STAG1: variants seen among roughly 807,000 people sequenced by gnomAD.
STAG1 encodes cohesin subunit SA-1.
A neutral mutation model predicts 170.9 loss-of-function variants in STAG1; 26 were observed. The ratio of observed to expected loss-of-function variants is 0.15; its 90% CI spans 0.11 to 0.21. The LOEUF (loss-of-function observed/expected upper bound fraction) is 0.21. Ranked by LOEUF, STAG1 falls within the 10% of genes least tolerant of loss-of-function variation. The pLI is 1.00. For missense variants in STAG1, 964 were observed against 1,509.5 expected, an observed-to-expected ratio of 0.64 and a Z score of 5.99; for synonymous variants, 514 against 497.7, an observed-to-expected ratio of 1.03 and a Z score of -0.44.
intron 4 of STAG1, among the ~76,000 whole-genome samples, chr3:136,597,837 C>A (rs184889859): frequency 6.6e-6 from 1 of 151,244 alleles, no homozygotes; most frequent in Non-Finnish European, 1.5e-5. Context: ...TACTGAACAG[C>A]AGTAATAATG....
At chr3:136,519,931 T>G (rs981855441) in intron 7 of STAG1, among the ~76,000 whole-genome samples, 3 of 152,118 alleles carry the variant, frequency 2.0e-5, no homozygotes, top group Non-Finnish European at 4.4e-5. Context: ...TATCTCCCTC[T>G]CTTCCTAATA....
At chr3:136,725,112 T>G (rs1325084455) in intron 1 of STAG1, among the ~76,000 whole-genome samples, 1 of 152,224 alleles carries the variant, frequency 6.6e-6, no homozygotes, top group East Asian at 1.9e-4. Context: ...CCTCAACATT[T>G]CTGTGTAAAT....
chr3:136,709,319 T>G (rs974845824), intron 1 of STAG1, among the ~76,000 whole-genome samples: 18 of 151,848 alleles, frequency 1.2e-4, no homozygotes, highest in Non-Finnish European at 2.2e-4. Context: ...AGGGTCTCAT[T>G]ATGTTGCCCA....
chr3:136,718,661 A>T (rs1933015455), intron 1 of STAG1, among the ~76,000 whole-genome samples: 2 of 152,190 alleles, frequency 1.3e-5, no homozygotes. Flanking sequence ...GTGGTGGCTC[A>T]TGCCTGTAAT....
intron 23 of STAG1, among the ~76,000 whole-genome samples, chr3:136,371,015 C>T (rs1158869430): frequency 6.6e-6 from 1 of 152,200 alleles, no homozygotes; most frequent in Non-Finnish European, 1.5e-5. Flanking sequence ...TCCTCTCCAG[C>T]ACCTGTTGTT....
rs78371844 is a variant in STAG1 at position 136,634,412 on chromosome 3, C to T, written c.-83-3431G>A. On this transcript the variant is annotated intron_variant, in intron 1 of 33. Transcript: ENST00000383202. Reference sequence around the variant, plus strand: ...GGGCACCATATAATGGGGGGGTCCCCAATTCATTTCCTTACAAACATATAA... The same window carrying T: ...GGGCACCATATAATGGGGGGGTCCCTAATTCATTTCCTTACAAACATATAA... Among the ~76,000 whole-genome samples the T allele has an allele frequency of 7.2e-3, 1,092 of 151,500 alleles. 19 individuals are homozygous for T. Among genetic ancestry groups the T allele is most frequent in the African/African-American group, 0.024 (984 of 41,404 alleles).
At chr3:136,611,106 T>C (rs1289276415) in intron 3 of STAG1, among the ~76,000 whole-genome samples, 1 of 152,202 alleles carries the variant, frequency 6.6e-6, no homozygotes. Flanking sequence ...AACTCGTTTA[T>C]GTTTCACATA....
chr3:136,340,582 G>A lies in STAG1; in HGVS notation c.3581C>T (p.Ala1194Val). ...CATCACATCTTCAAAGATGGGCTCA[G>A]CATCTTCCTCCATTAGACCCCGACT... ...HAVRGLMEED[A>V]EPIFEDVMMS... is the part of the protein sequence containing the mutation. The change falls in exon 32 of 34, where the codon GCT becomes GTT. Residue 1194 changes from alanine (A) to valine (V), a missense_variant. This residue lies in a region of STAG1 where 59 missense variants were observed against 104.2 expected (regional missense o/e 0.57). Coordinates refer to ENST00000383202, the MANE Select transcript of STAG1 (RefSeq NM_005862.3). 6.2e-7 allele frequency: 1 copy of A among 1,613,178 alleles called. No individual in the cohort carries two copies. The highest frequency in any genetic ancestry group is 8.5e-7 in the Non-Finnish European group (1 of 1,179,128).
intron 9 of STAG1, among the ~76,000 whole-genome samples, chr3:136,494,284 A>C (rs1205195786): frequency 6.6e-6 from 1 of 152,172 alleles, no homozygotes; most frequent in Non-Finnish European, 1.5e-5. Flanking sequence ...AAAATAAATT[A>C]ATAAAAAACA....
rs375075106 is a variant in STAG1 at position 136,370,720 on chromosome 3, A to G, written c.2371-1438T>C. The stretch of plus-strand genomic sequence containing the variant: ...ATTTTTTATGGCTGCATAGTATTCC[A>G]TGGTGTATATGTGCCACATTTTCTT... On this transcript the variant is annotated intron_variant, in intron 23 of 33. Transcript: ENST00000383202. Among the ~76,000 whole-genome samples the G allele has an allele frequency of 4.4e-4, 67 of 152,308 alleles. 1 individual carries two copies. In the East Asian group the frequency reaches 0.013, roughly 28 times the overall value.
At chr3:136,485,461 G>GA (rs760429773) in intron 9 of STAG1, among the ~76,000 whole-genome samples, 16 of 150,110 alleles carry the variant, frequency 1.1e-4, no homozygotes, top group South Asian at 4.2e-4. Flanking sequence ...TGTCTAAAAA[G>GA]AAAAAAAAAG....
intron 6 of STAG1, among the ~76,000 whole-genome samples, chr3:136,530,559 T>G (rs1235525673): frequency 6.6e-6 from 1 of 152,066 alleles, no homozygotes; most frequent in Non-Finnish European, 1.5e-5. Context: ...CAAAATCATA[T>G]GAAATATCTT....
At chr3:136,564,013 A>ACT (rs71157392) in intron 5 of STAG1, among the ~76,000 whole-genome samples, 113,155 of 151,528 alleles carry the variant, frequency 0.75, 42,351 homozygotes, top group East Asian at 0.87. Flanking sequence ...ACAGAATAAG[A>ACT]CTGTCTCGAA....
At chr3:136,501,676 C>T (rs1933480645) in intron 8 of STAG1, among the ~76,000 whole-genome samples, 1 of 152,134 alleles carries the variant, frequency 6.6e-6, no homozygotes, top group African/African-American at 2.4e-5. Flanking sequence ...GTTTGTGGTA[C>T]TTTGTCACAG....
intron 14 of STAG1, among the ~76,000 whole-genome samples, chr3:136,449,559 CAAAA>C (rs756074218): frequency 2.2e-5 from 2 of 91,606 alleles, no homozygotes; most frequent in Non-Finnish European, 4.5e-5. Flanking sequence ...GACTCTGTCT[CAAAA>C]AAAAAAAAAG....
intron 9 of STAG1, among the ~76,000 whole-genome samples, chr3:136,490,570 A>G (rs996314012): frequency 6.6e-6 from 1 of 152,222 alleles, no homozygotes; most frequent in Non-Finnish European, 1.5e-5. Flanking sequence ...TGTCAAAGAT[A>G]CATTAGCTTT....
At chr3:136,583,928 A>G (rs1937675854) in intron 4 of STAG1, among the ~76,000 whole-genome samples, 1 of 152,226 alleles carries the variant, frequency 6.6e-6, no homozygotes, top group Admixed American at 6.5e-5. Context: ...ACAACTTTCT[A>G]TCTTTGTCTC....
intron 23 of STAG1, among the ~76,000 whole-genome samples, chr3:136,372,203 C>T (rs927271413): frequency 6.6e-6 from 1 of 152,150 alleles, no homozygotes; most frequent in African/African-American, 2.4e-5. Context: ...GATTTTGTAT[C>T]CTGAGACTTT....
At chr3:136,343,744 A>C in intron 30 of STAG1, 88 bp downstream of exon 30, 1 of 1,072,472 alleles carries the variant, frequency 9.3e-7, no homozygotes, top group Non-Finnish European at 1.3e-6. Context: ...GACCAGCAAT[A>C]TGTTCTGATG....
Sources: allele counts gnomAD v4.1 joint callset (sites outside exome capture counted in the v4.1 genomes callset), GRCh38; gene constraint gnomAD v4.1.1; regional missense constraint gnomAD v4.1.1; transcripts MANE v1.5; gene names NCBI Gene and HGNC (gene_info 2026-07-23, HGNC 2026-07-21).